Variants in CCDC171 observed in about 807,000 individuals in gnomAD.
CCDC171 encodes coiled-coil domain containing 171, also known as coiled-coil domain-containing protein 171.
A neutral mutation model predicts 168.2 loss-of-function variants in CCDC171; 177 were observed. That is an observed-to-expected ratio of 1.05 (90% CI 0.93 to 1.19). The LOEUF (loss-of-function observed/expected upper bound fraction) is 1.19. CCDC171 is among the 50% of genes most tolerant of loss of function. The pLI is 0.00. For missense variants in CCDC171, 1,991 were observed against 1,539.0 expected (o/e 1.29, Z -4.91); for synonymous variants, 687 against 540.8 (o/e 1.27, Z -3.75).
At chr9:16,002,045 G>C (rs1343829413) in intron 3 of CCDC171, among the ~76,000 whole-genome samples, 1 of 150,214 alleles carries the variant, frequency 6.7e-6, no homozygotes, top group Non-Finnish European at 1.5e-5. Context: ...GCCCAGATTG[G>C]TCTTGAACTC....
At position 16,044,563 on chromosome 9, in the gene CCDC171, TTGTGGA is replaced by T. The variant is rs1833626447; in HGVS notation, n.89+1678_89+1683del. ...TTTTTTTTTTGGTTCTTTGAGTATG[TTGTGGA>T]AGGAATTCTCTGCAAGTGATACATC... On this transcript the variant is annotated intron_variant and non_coding_transcript_variant, in intron 1 of 1. Coordinates refer to the CCDC171 transcript ENST00000478913. Among the ~76,000 whole-genome samples, 4 of 151,596 alleles carry T rather than the reference TTGTGGA, an allele frequency of 2.6e-5. No homozygotes were observed. In the South Asian group the frequency reaches 8.3e-4, roughly 31 times the overall value.
chr9:15,969,613 A>G (rs1831148960), intron 25 of CCDC171, among the ~76,000 whole-genome samples: 1 of 152,186 alleles, frequency 6.6e-6, no homozygotes, highest in Non-Finnish European at 1.5e-5. Flanking sequence ...ATAAAGATGT[A>G]TCAAAACAAA....
chr9:15,952,261 A>G (rs1829279968), intron 25 of CCDC171, among the ~76,000 whole-genome samples: 1 of 152,158 alleles, frequency 6.6e-6, no homozygotes. Context: ...ATGCCAGTAC[A>G]CACTGTTTTG....
rs1427913456 is a variant in CCDC171, at chr9:15,574,771, A to G, written c.177+3012A>G. Among the ~76,000 whole-genome samples the G allele has an allele frequency of 2.6e-5, 4 of 152,226 alleles. No individual in the cohort carries two copies. In the East Asian group the frequency reaches 7.7e-4, roughly 29 times the overall value. Reference sequence around the variant, plus strand: ...AAATGCACGGTGATTGGCACAAAATATCTTTAAAGACTTCTGTAGGAGTTT... The same window carrying G: ...AAATGCACGGTGATTGGCACAAAATGTCTTTAAAGACTTCTGTAGGAGTTT... On this transcript the variant is annotated intron_variant, in intron 3 of 25. Coordinates refer to ENST00000380701, the MANE Select transcript of CCDC171 (RefSeq NM_173550.4).
At chr9:16,078,145 C>A in the CCDC171 span, among the ~76,000 whole-genome samples, 2 of 151,878 alleles carry the variant, frequency 1.3e-5, no homozygotes, top group Non-Finnish European at 2.9e-5. Flanking sequence ...GCGGTCATTT[C>A]AGTGTATACG....
chr9:15,889,880 A>T (rs529796729), intron 24 of CCDC171, among the ~76,000 whole-genome samples: 1 of 152,322 alleles, frequency 6.6e-6, no homozygotes, highest in East Asian at 1.9e-4. Flanking sequence ...TTGTGAGTCC[A>T]GTGGCTTGGT....
chr9:15,593,139 A>C (rs1025076562), intron 5 of CCDC171, among the ~76,000 whole-genome samples: 1 of 152,042 alleles, frequency 6.6e-6, no homozygotes, highest in Admixed American at 6.6e-5. Context: ...TGGGGGAAAA[A>C]AAAGCCTCAA....
the CCDC171 span, among the ~76,000 whole-genome samples, chr9:16,069,370 T>C: frequency 1.2e-4 from 19 of 152,200 alleles, no homozygotes; most frequent in African/African-American, 4.6e-4. Context: ...GGCCAGGTAG[T>C]ATCATCAATC....
chr9:15,874,636 G>C lies in CCDC171; in HGVS notation c.3573G>C (p.Lys1191Asn), dbSNP rs768433584. The C allele has an allele frequency of 1.2e-6, 2 of 1,600,248 alleles. No homozygotes were observed. The highest frequency in any genetic ancestry group is 1.7e-6 in the Non-Finnish European group (2 of 1,173,150). ...AGACCTTTGCAATGGAGGGGCTCAA[G>C]GGCGGGCCAGAGGTGGTAGCATGCC... ...HLETFAMEGLKGGPEVVACQA... is the reference protein window; with the variant it reads ...HLETFAMEGLNGGPEVVACQA... Residue 1191 changes from lysine to asparagine, a missense_variant, in exon 24 of 26, where the codon AAG (lysine) becomes AAC (asparagine). Transcript: ENST00000380701.
At chr9:15,654,605 T>C (rs527868076) in intron 7 of CCDC171, among the ~76,000 whole-genome samples, 1 of 152,274 alleles carries the variant, frequency 6.6e-6, no homozygotes, top group East Asian at 1.9e-4. Context: ...CAAAAAGAAA[T>C]GGTGGGAGAG....
At chr9:15,717,479 G>A (rs1326457755) in intron 11 of CCDC171, among the ~76,000 whole-genome samples, 1 of 152,202 alleles carries the variant, frequency 6.6e-6, no homozygotes, top group Non-Finnish European at 1.5e-5. Context: ...TAGAGGGTAT[G>A]TGACCTAGTG....
downstream of CCDC171, among the ~76,000 whole-genome samples, chr9:16,065,841 T>TGC (rs1554717494): frequency 3.4e-5 from 5 of 149,238 alleles, no homozygotes; most frequent in Admixed American, 1.4e-4. Context: ...TGTGTGTGTG[T>TGC]GTGCTGATTA....
chr9:16,087,557 C>CTTTTTTTTTTTTT, the CCDC171 span, among the ~76,000 whole-genome samples: 6 of 78,790 alleles, frequency 7.6e-5, no homozygotes, highest in African/African-American at 1.7e-4. Context: ...GCAACTCCTG[C>CTTTTTTTTTTTTT]TTTTTTTTTT....
intron 3 of CCDC171, among the ~76,000 whole-genome samples, chr9:16,007,636 C>A (rs1832745953): frequency 6.6e-6 from 1 of 152,174 alleles, no homozygotes; most frequent in African/African-American, 2.4e-5. Context: ...GATCCAGTTT[C>A]AGCTTTCTAC....
intron 21 of CCDC171, among the ~76,000 whole-genome samples, chr9:15,807,498 G>A: frequency 6.6e-6 from 1 of 152,152 alleles, no homozygotes; most frequent in East Asian, 1.9e-4. Context: ...CCTTACTACT[G>A]AGGTATGGTC....
chr9:15,941,977 A>G (rs1827787301), intron 25 of CCDC171, among the ~76,000 whole-genome samples: 4 of 151,806 alleles, frequency 2.6e-5, no homozygotes, highest in African/African-American at 7.3e-5. Flanking sequence ...TAAATATACC[A>G]TGCTCTCCCC....
At chr9:15,707,437 G>C (rs1427288884) in intron 11 of CCDC171, among the ~76,000 whole-genome samples, 1 of 152,208 alleles carries the variant, frequency 6.6e-6, no homozygotes, top group Non-Finnish European at 1.5e-5. Context: ...CATCTATTCA[G>C]AGTATGTTAA....
chr9:15,725,897 C>G (rs1266209627), intron 14 of CCDC171, among the ~76,000 whole-genome samples: 1 of 152,168 alleles, frequency 6.6e-6, no homozygotes, highest in Non-Finnish European at 1.5e-5. Context: ...GGAGAGTTGC[C>G]TACCCATTTA....
At chr9:15,569,857 T>A (rs1272634227) in intron 2 of CCDC171, among the ~76,000 whole-genome samples, 2 of 133,542 alleles carry the variant, frequency 1.5e-5, no homozygotes, top group East Asian at 2.6e-4. Flanking sequence ...AAAAAAAAAA[T>A]TTCTATTTTT....
Sources: allele counts gnomAD v4.1 joint callset (sites outside exome capture counted in the v4.1 genomes callset), GRCh38; gene constraint gnomAD v4.1.1; transcripts MANE v1.5; gene names NCBI Gene and HGNC (gene_info 2026-07-23, HGNC 2026-07-21).